LINGO2: variants seen among roughly 807,000 people sequenced by gnomAD.
LINGO2 encodes leucine-rich repeat and immunoglobulin-like domain-containing nogo receptor-interacting protein 2.
A neutral mutation model predicts 30.6 loss-of-function variants in LINGO2; 14 were observed. The observed-to-expected ratio is 0.46, with a 90% confidence interval of 0.30 to 0.72. LINGO2 has a LOEUF of 0.72. LINGO2 is among the 30% of genes least tolerant of loss of function. LINGO2 has a pLI of 0.07. For missense variants in LINGO2, 729 were observed against 751.7 expected (o/e 0.97, Z 0.35); for synonymous variants, 317 against 288.5 (o/e 1.10, Z -1.00).
chr9:28,367,099 G>A lies in LINGO2; in HGVS notation c.-246+5737C>T, dbSNP rs1389279985. Among the ~76,000 whole-genome samples the A allele has an allele frequency of 9.4e-3, 1,370 of 145,016 alleles. 14 individuals are homozygous for A. Among genetic ancestry groups the A allele is most frequent in the African/African-American group, 0.033 (1,288 of 38,730 alleles). ...TCTATATAGTTGTATTATAATTTTG[G>A]TTAAATCAAAAGTCAGCACATATTA... On this transcript the variant is annotated intron_variant, in intron 3 of 5. Coordinates refer to ENST00000379992, the Ensembl canonical transcript of LINGO2.
At chr9:28,824,991 TG>T in the LINGO2 span, among the ~76,000 whole-genome samples, 2 of 152,220 alleles carry the variant, frequency 1.3e-5, no homozygotes, top group Admixed American at 6.5e-5. Context: ...CCTAAGAATA[TG>T]GTTTGTTAAC....
chr9:28,975,018 A>G, the LINGO2 span, among the ~76,000 whole-genome samples: 1 of 152,090 alleles, frequency 6.6e-6, no homozygotes, highest in Non-Finnish European at 1.5e-5. Context: ...AGGTTACTCA[A>G]ATGTAAACAT....
chr9:28,650,185 C>G (rs773343721), intron 1 of LINGO2, among the ~76,000 whole-genome samples: 39 of 152,046 alleles, frequency 2.6e-4, no homozygotes, highest in Admixed American at 4.6e-4. Context: ...CACTGGAATA[C>G]TAGTGTTACA....
chr9:28,269,502 G>A (rs1822868428), intron 4 of LINGO2, among the ~76,000 whole-genome samples: 1 of 151,946 alleles, frequency 6.6e-6, no homozygotes, highest in Admixed American at 6.6e-5. Context: ...TACTTTTGAG[G>A]ACACTTTCTT....
intron 4 of LINGO2, among the ~76,000 whole-genome samples, chr9:28,244,097 G>A (rs560642012): frequency 6.6e-6 from 1 of 152,076 alleles, no homozygotes; most frequent in Non-Finnish European, 1.5e-5. Flanking sequence ...CTCAGCAAAC[G>A]CATAAGAACA....
the LINGO2 span, among the ~76,000 whole-genome samples, chr9:28,981,080 T>G: frequency 4.6e-5 from 7 of 152,128 alleles, no homozygotes; most frequent in South Asian, 8.3e-4. Context: ...TTTGCTTTTC[T>G]TCAAGCAAAT....
the LINGO2 span, among the ~76,000 whole-genome samples, chr9:29,000,856 C>T: frequency 6.6e-6 from 1 of 151,924 alleles, no homozygotes; most frequent in Non-Finnish European, 1.5e-5. Flanking sequence ...AGGACATATA[C>T]CGTGTTCCAT....
intron 1 of LINGO2, among the ~76,000 whole-genome samples, chr9:28,497,776 C>T (rs1356192094): frequency 6.6e-6 from 1 of 152,040 alleles, no homozygotes; most frequent in East Asian, 1.9e-4. Context: ...TGTTTTTTCC[C>T]CATCTTTGTG....
intron 4 of LINGO2, among the ~76,000 whole-genome samples, chr9:28,225,440 A>G (rs1295799305): frequency 6.6e-6 from 1 of 152,152 alleles, no homozygotes; most frequent in Non-Finnish European, 1.5e-5. Context: ...GCAATTTGAT[A>G]AAATTGTAAC....
the LINGO2 span, among the ~76,000 whole-genome samples, chr9:28,800,712 G>A: frequency 2.0e-5 from 3 of 151,976 alleles, no homozygotes; most frequent in Admixed American, 6.6e-5. Flanking sequence ...CTCTTATTGA[G>A]CCATGACAGT....
At chr9:28,979,410 G>T in the LINGO2 span, among the ~76,000 whole-genome samples, 11 of 151,896 alleles carry the variant, frequency 7.2e-5, 1 homozygote, top group Admixed American at 7.2e-4. Context: ...CTGATGCTGG[G>T]TTAACAAAAC....
At chr9:28,015,545 G>T (rs993592156) in intron 4 of LINGO2, among the ~76,000 whole-genome samples, 1 of 152,014 alleles carries the variant, frequency 6.6e-6, no homozygotes, top group Non-Finnish European at 1.5e-5. Context: ...ACATTGTCTG[G>T]AAAAATGTCA....
chr9:28,852,401 T>A, the LINGO2 span, among the ~76,000 whole-genome samples: 1 of 152,142 alleles, frequency 6.6e-6, no homozygotes, highest in South Asian at 2.1e-4. Flanking sequence ...CTAATGAGTA[T>A]CAAGGTAGAA....
the LINGO2 span, among the ~76,000 whole-genome samples, chr9:28,882,507 C>T: frequency 6.6e-6 from 1 of 152,190 alleles, no homozygotes; most frequent in Non-Finnish European, 1.5e-5. Context: ...CATTAAAGTT[C>T]TACCTGCTTA....
the LINGO2 span, among the ~76,000 whole-genome samples, chr9:29,190,180 G>A: frequency 2.4e-3 from 361 of 152,224 alleles, 9 homozygotes; most frequent in East Asian, 0.064. Flanking sequence ...CTTTATTAAA[G>A]AGCAGTCAGT....
chr9:28,538,137 T>C (rs998478261), intron 1 of LINGO2, among the ~76,000 whole-genome samples: 5 of 152,022 alleles, frequency 3.3e-5, no homozygotes, highest in Non-Finnish European at 7.4e-5. Context: ...CAAGGCATTA[T>C]ACTCACAGAT....
intron 5 of LINGO2, among the ~76,000 whole-genome samples, chr9:27,951,096 C>A (rs1050762527): frequency 6.6e-6 from 1 of 152,182 alleles, no homozygotes; most frequent in Non-Finnish European, 1.5e-5. Context: ...AAGAAGAAAG[C>A]AGTTGAGTTT....
At chr9:28,876,971 T>A in the LINGO2 span, among the ~76,000 whole-genome samples, 1 of 152,242 alleles carries the variant, frequency 6.6e-6, no homozygotes, top group South Asian at 2.1e-4. Flanking sequence ...TATCTCATTC[T>A]GGTTTTGATT....
chr9:28,022,945 C>A (rs1226498096), intron 4 of LINGO2, among the ~76,000 whole-genome samples: 2 of 151,988 alleles, frequency 1.3e-5, no homozygotes, highest in Non-Finnish European at 2.9e-5. Context: ...CTTTTCTCAG[C>A]TGTGTCTGTT....
Sources: gnomAD v4.1 joint callset for allele counts (sites outside exome capture counted in the v4.1 genomes callset) on GRCh38, gnomAD v4.1.1 for gene constraint, MANE v1.5 for transcripts, NCBI Gene and HGNC (gene_info 2026-07-23, HGNC 2026-07-21) for gene names.